The following SEC11C variants were observed in gnomAD, a reference collection of about 807,000 sequenced individuals.
The protein encoded by SEC11C is SEC11 homolog C, signal peptidase complex subunit.
Under a neutral mutation model 21.9 loss-of-function variants are expected in SEC11C, and 10 were observed. The observed-to-expected ratio is 0.46, with a 90% CI of 0.28 to 0.77. The LOEUF is 0.77. Among genes scored for constraint, SEC11C ranks in the 30% least tolerant of loss-of-function variants. SEC11C has a pLI of 0.12. For missense variants in SEC11C, 145 were observed against 244.5 expected, an observed-to-expected ratio of 0.59 and a Z score of 2.71; for synonymous variants, 83 against 85.6, an observed-to-expected ratio of 0.97 and a Z score of 0.17.
chr18:59,143,350 T>C (rs4624292), intron 1 of SEC11C, among the ~76,000 whole-genome samples: 139,982 of 140,680 alleles, frequency 1, 69,642 homozygotes, highest in Middle Eastern at 1. Context: ...GAGACTCCAT[T>C]TCAAAAAAAA....
chr18:59,140,251 A>G (rs923200490), intron 1 of SEC11C, among the ~76,000 whole-genome samples: 1 of 152,244 alleles, frequency 6.6e-6, no homozygotes, highest in African/African-American at 2.4e-5. Flanking sequence ...GGGAGGGTGC[A>G]GGAAAGGGGA....
At chr18:59,148,619 CTT>C (rs5825316) in intron 1 of SEC11C, among the ~76,000 whole-genome samples, 27 of 147,006 alleles carry the variant, frequency 1.8e-4, no homozygotes, top group South Asian at 4.3e-4. Flanking sequence ...ACCTGTGCTC[CTT>C]TTTTTTTTTT....
intron 2 of SEC11C, among the ~76,000 whole-genome samples, chr18:59,150,487 C>T (rs993497010): frequency 1.3e-5 from 2 of 152,214 alleles, no homozygotes; most frequent in African/African-American, 2.4e-5. Flanking sequence ...CTAGAGATCG[C>T]GTTTTCATGA....
chr18:59,157,903 T>G (rs541674406), intron 5 of SEC11C, among the ~76,000 whole-genome samples: 2 of 152,306 alleles, frequency 1.3e-5, no homozygotes, highest in East Asian at 3.9e-4. Flanking sequence ...AATTGTTGCT[T>G]TTTATTATGG....
At chr18:59,153,149 T>A (rs548118637) in intron 3 of SEC11C, 1 of 152,656 alleles carries the variant, frequency 6.6e-6, no homozygotes, top group South Asian at 2.1e-4. Context: ...ATTTTCCAAC[T>A]CATCTCATGA....
At chr18:59,154,211 A>T (rs148862118) in intron 3 of SEC11C, among the ~76,000 whole-genome samples, 83 of 152,276 alleles carry the variant, frequency 5.5e-4, no homozygotes, top group Non-Finnish European at 1.2e-3. Context: ...CTTACAATTA[A>T]TTTCTAAAGA....
At chr18:59,156,434 C>T (rs954391240) in intron 4 of SEC11C, 4 of 152,156 alleles carry the variant, frequency 2.6e-5, no homozygotes, top group Non-Finnish European at 2.9e-5. Context: ...ACATCTGTAT[C>T]TTTTTAAGTG....
At chr18:59,152,805 G>A (rs1321253374) in intron 3 of SEC11C, 120 bp downstream of exon 3, 1 of 812,608 alleles carries the variant, frequency 1.2e-6, no homozygotes, top group South Asian at 2.1e-5. Flanking sequence ...CTCACTGGGT[G>A]ACTTTGGACC....
At chr18:59,148,397 G>A (rs558865917) in intron 1 of SEC11C, among the ~76,000 whole-genome samples, 1 of 151,860 alleles carries the variant, frequency 6.6e-6, no homozygotes, top group Non-Finnish European at 1.5e-5. Context: ...ATGGGCAGGT[G>A]TTGTTTTCTC....
intron 2 of SEC11C, among the ~76,000 whole-genome samples, chr18:59,151,042 G>A (rs2069346008): frequency 6.6e-6 from 1 of 152,148 alleles, no homozygotes; most frequent in Non-Finnish European, 1.5e-5. Flanking sequence ...CCTAAGGGAT[G>A]TGTGGTTTTT....
intron 2 of SEC11C, among the ~76,000 whole-genome samples, chr18:59,150,036 T>A (rs1451211616): frequency 6.6e-6 from 1 of 152,080 alleles, no homozygotes; most frequent in Non-Finnish European, 1.5e-5. Context: ...TTTTTCAAGC[T>A]TCTTCAGTAA....
At chr18:59,142,558 C>T (rs529121435) in intron 1 of SEC11C, among the ~76,000 whole-genome samples, 8 of 152,288 alleles carry the variant, frequency 5.3e-5, no homozygotes, top group Non-Finnish European at 1.2e-4. Flanking sequence ...CAGTGAACAG[C>T]TTCTGCTTTA....
intron 2 of SEC11C, among the ~76,000 whole-genome samples, chr18:59,150,930 A>AGAAGGTAGT (rs1491118379): frequency 6.6e-6 from 1 of 152,116 alleles, no homozygotes; most frequent in Non-Finnish European, 1.5e-5. Flanking sequence ...ACTTGCACAC[A>AGAAGGTAGT]GAAGGTAGTG....
intron 1 of SEC11C, among the ~76,000 whole-genome samples, chr18:59,141,171 C>T (rs1030599715): frequency 6.6e-6 from 1 of 152,136 alleles, no homozygotes; most frequent in Non-Finnish European, 1.5e-5. Flanking sequence ...CCCCCTTCCC[C>T]AAGTAGAATT....
chr18:59,141,296 G>GTT (rs2069207470), intron 1 of SEC11C, among the ~76,000 whole-genome samples: 1 of 152,232 alleles, frequency 6.6e-6, no homozygotes, highest in South Asian at 2.1e-4. Context: ...TGGAAGATGA[G>GTT]TTGTAGTAGA....
At chr18:59,144,810 T>G (rs953201189) in intron 1 of SEC11C, among the ~76,000 whole-genome samples, 2 of 152,080 alleles carry the variant, frequency 1.3e-5, no homozygotes, top group African/African-American at 2.4e-5. Context: ...GATTATTGGT[T>G]TGAACATTTT....
At chr18:59,143,352 CAAA>C (rs36204971) in intron 1 of SEC11C, among the ~76,000 whole-genome samples, 11 of 111,194 alleles carry the variant, frequency 9.9e-5, no homozygotes, top group East Asian at 6.5e-4. Flanking sequence ...GACTCCATTT[CAAA>C]AAAAAAAAAA....
chr18:59,152,946 A>T, intron 3 of SEC11C: 1 of 275,740 alleles, frequency 3.6e-6, no homozygotes, highest in East Asian at 6.7e-5. Context: ...CTGCACAAAT[A>T]TAAGGTATGA....
rs1485403459 is a variant in SEC11C, at chr18:59,140,012, C to CTGAAGATA, written c.70_71insTATGAAGA (p.Lys24IlefsTer2). 1 of 1,590,456 alleles carries CTGAAGATA rather than the reference C, an allele frequency of 6.3e-7. No homozygotes were observed. The highest frequency in any genetic ancestry group is 2.3e-5 in the East Asian group (1 of 43,716). ...GTCCGGCTTGGATATCTTCGGGGAC[C>CTGAAGATA]TGAAGAAGATGAACAAGCGCCAGGT... On this transcript the variant is annotated frameshift_variant, in exon 1 of 6. Transcript: ENST00000587834. LOFTEE classifies it high-confidence loss of function.
Sources: allele counts gnomAD v4.1 joint callset (sites outside exome capture counted in the v4.1 genomes callset), GRCh38; gene constraint gnomAD v4.1.1; transcripts MANE v1.5; gene names NCBI Gene and HGNC (gene_info 2026-07-23, HGNC 2026-07-21).